The following LIPC variants were observed in gnomAD, a reference collection of about 807,000 sequenced individuals.
LIPC encodes hepatic triacylglycerol lipase.
LIPC carries 44 observed loss-of-function variants against 50.7 expected under a neutral mutation model. The observed-to-expected ratio is 0.87, with a 90% CI of 0.68 to 1.11. The LOEUF is 1.11. Ranked by LOEUF, LIPC falls within the 50% of genes most tolerant of loss-of-function variation. The pLI is 0.00. For missense variants in LIPC, 697 were observed against 648.2 expected, an observed-to-expected ratio of 1.08 and a Z score of -0.82; for synonymous variants, 271 against 256.4, an observed-to-expected ratio of 1.06 and a Z score of -0.54.
intron 6 of LIPC, among the ~76,000 whole-genome samples, chr15:58,553,998 GA>G (rs1269483032): frequency 2.8e-3 from 388 of 140,264 alleles, no homozygotes; most frequent in African/African-American, 6.0e-3. Flanking sequence ...CACGGAGGGG[GA>G]AAAAAAAAAA....
intron 1 of LIPC, among the ~76,000 whole-genome samples, chr15:58,450,920 C>G (rs1459728028): frequency 6.6e-6 from 1 of 152,196 alleles, no homozygotes; most frequent in Non-Finnish European, 1.5e-5. Context: ...CTGATGAATA[C>G]TAGAGGTCTT....
chr15:58,563,691 G>T lies in LIPC; in HGVS notation c.1356G>T (p.Thr452=), dbSNP rs187073350. The T allele has an allele frequency of 6.2e-7, 1 of 1,613,464 alleles. No individual in the cohort carries two copies. The highest frequency in any genetic ancestry group is 8.5e-7 in the Non-Finnish European group (1 of 1,180,042). ...GPRHSGLVLK[T]IRVKAGETQQ... is the part of the protein sequence containing the mutation. ...GCCACTCAGGCCTCGTTCTGAAGAC[G>T]ATCAGAGTCAAAGCAGGAGAAACCC... The change falls in exon 8 of 9, where the codon ACG becomes ACT. Residue 452 remains threonine, a synonymous_variant. Coordinates refer to ENST00000299022, the MANE Select transcript of LIPC (RefSeq NM_000236.3).
intron 1 of LIPC, among the ~76,000 whole-genome samples, chr15:58,515,037 G>C (rs545454771): frequency 6.6e-6 from 1 of 152,248 alleles, no homozygotes; most frequent in Admixed American, 6.5e-5. Flanking sequence ...GGCCACCTAC[G>C]TTCCTTGGCT....
intron 1 of LIPC, among the ~76,000 whole-genome samples, chr15:58,453,616 C>G (rs1404044352): frequency 2.0e-5 from 3 of 151,976 alleles, no homozygotes; most frequent in Non-Finnish European, 4.4e-5. Context: ...GTGTGGGTTC[C>G]GTACATTGGC....
chr15:58,475,017 C>T (rs1444464198), intron 1 of LIPC, among the ~76,000 whole-genome samples: 1 of 152,230 alleles, frequency 6.6e-6, no homozygotes, highest in Non-Finnish European at 1.5e-5. Context: ...TCAAATGCCA[C>T]CTGTGGTGGC....
At chr15:58,478,438 C>A (rs763123255) in intron 1 of LIPC, among the ~76,000 whole-genome samples, 2 of 152,108 alleles carry the variant, frequency 1.3e-5, no homozygotes, top group African/African-American at 2.4e-5. Context: ...AGGGTTTCAA[C>A]ATGTTGGCCA....
chr15:58,485,293 C>T (rs776419657), intron 1 of LIPC, among the ~76,000 whole-genome samples: 1 of 152,098 alleles, frequency 6.6e-6, no homozygotes, highest in African/African-American at 2.4e-5. Flanking sequence ...TTTTAGGAGA[C>T]AGTATCAACA....
At position 58,568,848 on chromosome 15, in the gene LIPC, T is replaced by G. The variant is rs1894471460; in HGVS notation, c.*21T>G. 16 of 1,414,638 alleles carry G rather than the reference T, an allele frequency of 1.1e-5. No individual in the cohort carries two copies. The highest frequency in any genetic ancestry group is 1.6e-5 in the Non-Finnish European group (16 of 1,009,144). 87.6% of individuals were successfully genotyped at this position (1,414,638 alleles called of 1,614,324 possible). ...GATGAGATTTAATGAAGACCCAGTG[T>G]AAAGAATAAATGAATCTTACTCCTT... On this transcript the variant is annotated 3_prime_UTR_variant, in exon 9 of 9. Transcript: ENST00000299022.
chr15:58,492,041 C>G (rs189804965), intron 1 of LIPC, among the ~76,000 whole-genome samples: 42 of 152,322 alleles, frequency 2.8e-4, no homozygotes, highest in African/African-American at 9.6e-4. Flanking sequence ...ACCCATTGTA[C>G]AGCCTTCCCC....
At chr15:58,448,348 A>G (rs547325185) in intron 1 of LIPC, among the ~76,000 whole-genome samples, 2 of 152,212 alleles carry the variant, frequency 1.3e-5, no homozygotes, top group Admixed American at 6.5e-5. Flanking sequence ...AGGGTCCCCC[A>G]GCCCCCTCTT....
At chr15:58,455,413 T>C (rs1894075181) in intron 1 of LIPC, among the ~76,000 whole-genome samples, 1 of 152,122 alleles carries the variant, frequency 6.6e-6, no homozygotes, top group Non-Finnish European at 1.5e-5. Flanking sequence ...TGCTAGCCCC[T>C]CATCTAGACT....
At chr15:58,507,266 T>A (rs551610504) in intron 1 of LIPC, among the ~76,000 whole-genome samples, 2 of 152,130 alleles carry the variant, frequency 1.3e-5, no homozygotes, top group Admixed American at 1.3e-4. Context: ...AAGAGAAATA[T>A]ACTTTTCTTT....
intron 1 of LIPC, among the ~76,000 whole-genome samples, chr15:58,528,054 C>T (rs746668363): frequency 3.3e-5 from 5 of 151,528 alleles, no homozygotes; most frequent in Admixed American, 6.6e-5. Flanking sequence ...GCAGGAGAAT[C>T]GCTTGAACTC....
intron 8 of LIPC, chr15:58,563,953 G>A: frequency 1.8e-6 from 1 of 551,716 alleles, no homozygotes; most frequent in Non-Finnish European, 3.4e-6. Context: ...TCTCCCCACT[G>A]CCCGTGGCTA....
At chr15:58,458,743 A>C (rs1176242500) in intron 1 of LIPC, among the ~76,000 whole-genome samples, 1 of 152,104 alleles carries the variant, frequency 6.6e-6, no homozygotes, top group Non-Finnish European at 1.5e-5. Flanking sequence ...CTGCCCCTCA[A>C]AATTACACAT....
At chr15:58,477,084 C>G (rs1446867000) in intron 1 of LIPC, among the ~76,000 whole-genome samples, 1 of 152,192 alleles carries the variant, frequency 6.6e-6, no homozygotes, top group African/African-American at 2.4e-5. Context: ...TATAGGCGGC[C>G]ACATTTTTCT....
At chr15:58,453,598 A>C (rs1037909907) in intron 1 of LIPC, among the ~76,000 whole-genome samples, 1 of 152,070 alleles carries the variant, frequency 6.6e-6, no homozygotes, top group African/African-American at 2.4e-5. Context: ...GGCAACTCTC[A>C]TTACAGAGTG....
At position 58,467,860 on chromosome 15, in the gene LIPC, AG is replaced by A. The variant is rs1229794012; in HGVS notation, c.88+35743del. 2.0e-5 allele frequency among the ~76,000 whole-genome samples: 3 copies of A among 152,158 alleles called. No individual in the cohort carries two copies. The East Asian group carries it at 5.8e-4, about 29-fold the overall frequency. On this transcript the variant is annotated intron_variant, in intron 1 of 8. Transcript: ENST00000299022. Reference sequence around the variant, plus strand: ...TTGTTTGGCAACTCTTGGTGTTCACAGGGTTTTCCCACTGAGGGTCAGGGAC... The same window carrying A: ...TTGTTTGGCAACTCTTGGTGTTCACAGGTTTTCCCACTGAGGGTCAGGGAC...
intron 1 of LIPC, among the ~76,000 whole-genome samples, chr15:58,459,941 C>T (rs111255408): frequency 6.6e-6 from 1 of 152,224 alleles, no homozygotes; most frequent in Non-Finnish European, 1.5e-5. Flanking sequence ...GTGGGTGCAG[C>T]AGGCTCACAC....
Sources: gnomAD v4.1 joint callset for allele counts (sites outside exome capture counted in the v4.1 genomes callset) on GRCh38, gnomAD v4.1.1 for gene constraint, MANE v1.5 for transcripts, NCBI Gene and HGNC (gene_info 2026-07-23, HGNC 2026-07-21) for gene names.